Variants in PTCH1 observed in about 807,000 individuals in gnomAD.
PTCH1 encodes the protein patched 1.
A neutral mutation model predicts 144.6 loss-of-function variants in PTCH1; 14 were observed. The observed-to-expected ratio is 0.10, with a 90% CI of 0.06 to 0.15. The LOEUF (loss-of-function observed/expected upper bound fraction) is 0.15. Among genes scored for constraint, PTCH1 ranks in the 10% least tolerant of loss-of-function variants. The pLI, the probability that PTCH1 is intolerant of heterozygous loss-of-function variation, is 1.00. For missense variants in PTCH1, 1,623 were observed against 1,948.3 expected (o/e 0.83, Z 3.14); for synonymous variants, 833 against 793.6 (o/e 1.05, Z -0.83).
In PTCH1 at chr9:95,508,295, C is replaced by T. The variant is rs863224654; in HGVS notation, c.67G>A (p.Ala23Thr). The T allele has an allele frequency of 4.6e-6, 7 of 1,516,390 alleles. No individual in the cohort carries two copies. The Admixed American group carries it at 8.2e-5, about 18-fold the overall frequency. 93.9% of individuals were successfully genotyped at this position (1,516,390 alleles called of 1,614,324 possible). A position where few individuals can be genotyped will look rare whatever the true frequency, so the allele number is the denominator to read the frequency against. ...RGGGGSGCIG[A>T]PGRPAGGGRR... ...CCGCCTCCAGCCGGCCGTCCCGGGGCACCGATACAGCCGCTGCCGCCGCCG... is the reference window on the plus strand; with the variant it reads ...CCGCCTCCAGCCGGCCGTCCCGGGGTACCGATACAGCCGCTGCCGCCGCCG... The change falls in exon 1 of 24, where the codon GCC becomes ACC. Residue 23 changes from alanine to threonine, a missense_variant. This residue lies in a region of PTCH1 where 245 missense variants were observed against 240.6 expected (regional missense o/e 1.02). Transcript: ENST00000331920.
intron 14 of PTCH1, among the ~76,000 whole-genome samples, chr9:95,468,194 G>A (rs914002470): frequency 6.6e-6 from 1 of 152,092 alleles, no homozygotes; most frequent in Admixed American, 6.5e-5. Flanking sequence ...AGCCTCCTAA[G>A]CAGCTGGGAC....
intron 2 of PTCH1, among the ~76,000 whole-genome samples, chr9:95,496,736 A>G (rs141476181): frequency 0.01 from 1,529 of 152,210 alleles, 22 homozygotes; most frequent in African/African-American, 0.035. Flanking sequence ...ATCATTTTTT[A>G]CTTATTACAA....
chr9:95,508,310 T>TGCCGCC lies in PTCH1; in HGVS notation c.46_51dup (p.Gly16_Gly17dup), dbSNP rs756897237. ...CGTCCCGGGGCACCGATACAGCCGC[T>TGCCGCC]GCCGCCGCCGCCGCGGTCCTGGGGC... is the stretch of plus-strand genomic sequence containing the variant. On this transcript the variant is annotated inframe_insertion, in exon 1 of 24. Transcript: ENST00000331920. 10 of 1,399,428 alleles carry TGCCGCC rather than the reference T, an allele frequency of 7.1e-6. No homozygotes were observed. Among genetic ancestry groups the TGCCGCC allele is most frequent in the South Asian group, 1.6e-5 (1 of 61,974 alleles). The allele number at this position is 1,399,428 out of a possible 1,614,324, so 86.7% of individuals were successfully genotyped here.
chr9:95,482,973 A>C (rs1461595593), intron 3 of PTCH1: 3 of 152,534 alleles, frequency 2.0e-5, no homozygotes, highest in Admixed American at 6.5e-5. Flanking sequence ...AGCTGGGCGC[A>C]GTGGTGCATG....
upstream of PTCH1, among the ~76,000 whole-genome samples, chr9:95,512,268 G>A (rs1019806576): frequency 1.3e-5 from 2 of 152,210 alleles, no homozygotes; most frequent in Non-Finnish European, 1.5e-5. Context: ...GCTGTTTGAT[G>A]GGTTAACTTT....
intron 2 of PTCH1, among the ~76,000 whole-genome samples, chr9:95,490,253 C>G (rs1487946129): frequency 6.6e-6 from 1 of 151,668 alleles, no homozygotes; most frequent in Admixed American, 6.6e-5. Flanking sequence ...GTGGAAGGAT[C>G]ACTTAAGGCC....
At position 95,477,000 on chromosome 9, in the gene PTCH1, C is replaced by T. The variant is rs892986135; in HGVS notation, c.1504-143G>A. The T allele has an allele frequency of 4.9e-5, 39 of 792,814 alleles. No individual in the cohort carries two copies. Among genetic ancestry groups the T allele is most frequent in the African/African-American group, 2.6e-4 (15 of 58,540 alleles). 49.1% of individuals were successfully genotyped at this position (792,814 alleles called of 1,614,324 possible). ...ACCTCATGGTGAAGAATTCACTTGA[C>T]GTCCCAAAGCCTAGCCATTTCAGCT... On this transcript the variant is annotated intron_variant, in intron 10 of 23. Coordinates refer to ENST00000331920, the MANE Select transcript of PTCH1 (RefSeq NM_000264.5). This position sits in a 1 kb window ranked among gnomAD's most constrained non-coding sequence, Gnocchi z 4.6.
chr9:95,487,367 G>A (rs1842051177), intron 2 of PTCH1, among the ~76,000 whole-genome samples: 1 of 152,210 alleles, frequency 6.6e-6, no homozygotes, highest in Non-Finnish European at 1.5e-5. Context: ...GCATTGCCGA[G>A]GGCCTTGCCA....
rs868793080 is a variant in PTCH1 at position 95,463,364 on chromosome 9, G to A, written c.2561-1366C>T. Among the ~76,000 whole-genome samples the A allele has an allele frequency of 5.2e-4, 79 of 152,176 alleles. No homozygotes were observed. The Middle Eastern group carries it at 0.01, about 20-fold the overall frequency. ...GAAAGGAGTCTGTGTCAGGGTGAGC[G>A]TGGAGGGGAGACGGGACAGGAGACC... On this transcript the variant is annotated intron_variant, in intron 15 of 23. Transcript: ENST00000331920.
In PTCH1 at chr9:95,449,148, T is replaced by G. The variant is rs1838214925; in HGVS notation, c.3725A>C (p.Glu1242Ala). 6.2e-7 allele frequency: 1 copy of G among 1,613,984 alleles called. No individual in the cohort carries two copies. ...SGLSEELRHY[E>A]AQQGAGGPAH... is the part of the protein sequence containing the mutation. ...AGGGCCTCCCGCGCCCTGCTGGGCC[T>G]CGTAGTGCCGAAGCTCCTCGCTGAG... Residue 1242 changes from glutamate (E) to alanine (A), a missense_variant, in exon 22 of 24, where the codon GAG becomes GCG. Glu to Ala is a moderately radical substitution (Grantham distance 107). Coordinates refer to ENST00000331920, the MANE Select transcript of PTCH1 (RefSeq NM_000264.5). This position sits in a 1 kb window ranked among gnomAD's most constrained non-coding sequence, Gnocchi z 5.3.
At chr9:95,473,602 T>C (rs1031062022) in intron 12 of PTCH1, among the ~76,000 whole-genome samples, 24 of 147,792 alleles carry the variant, frequency 1.6e-4, no homozygotes, top group Admixed American at 9.6e-4. Context: ...TGGAGTGCAA[T>C]AGCACGATCT....
chr9:95,481,803 G>A (rs1051739520), intron 5 of PTCH1, 146 bp downstream of exon 5: 15 of 781,106 alleles, frequency 1.9e-5, no homozygotes, highest in African/African-American at 1.7e-4. Flanking sequence ...CCTCTCCCCC[G>A]ACTATTCACT....
intron 19 of PTCH1, among the ~76,000 whole-genome samples, chr9:95,455,111 G>A (rs989279145): frequency 5.3e-5 from 8 of 152,198 alleles, no homozygotes; most frequent in Admixed American, 1.3e-4. Flanking sequence ...CTCAAAGGAA[G>A]AAAATAATTT....
Position 95,468,941 on chromosome 9 carries a change from A to G in PTCH1, c.2060T>C (p.Val687Ala), listed in dbSNP as rs755314955. 1 of 1,614,112 alleles carries G rather than the reference A, an allele frequency of 6.2e-7. No homozygotes were observed. Among genetic ancestry groups the G allele is most frequent in the Non-Finnish European group, 8.5e-7 (1 of 1,180,028 alleles). Residue 687 changes from valine to alanine, a missense_variant, in exon 14 of 24, where the codon GTG becomes GCG. Coordinates refer to ENST00000331920, the MANE Select transcript of PTCH1 (RefSeq NM_000264.5). ...TTAEPRSEIS[V>A]QPVTVTQDTL... ...GTCCTGTGTCACGGTGACGGGCTGC[A>G]CAGAGATCTCGGAGCGCGGCTCAGC...
rs201174718 is a variant in PTCH1 at position 95,478,155 on chromosome 9, G to C, written c.1247C>G (p.Thr416Ser). 4.2e-5 allele frequency: 68 copies of C among 1,614,184 alleles called. No homozygotes were observed. In the East Asian group the frequency reaches 1.3e-3, roughly 31 times the overall value. Residue 416 changes from threonine to serine, a missense_variant, in exon 9 of 24, where the codon ACT becomes AGT. Transcript: ENST00000331920. ...GGTGGTGAAGGAAAGCACCTTTTGA[G>C]TGGAGTTCTGTGCGACACTCTGATG... The part of the protein sequence containing the change: ...VVHQSVAQNS[T>S]QKVLSFTTTT...
intron 22 of PTCH1, among the ~76,000 whole-genome samples, chr9:95,448,659 G>T (rs59925771): frequency 0.13 from 20,353 of 151,542 alleles, 1,706 homozygotes; most frequent in African/African-American, 0.23. Flanking sequence ...GAAAAAACCT[G>T]ACCTCTGTTG....
rs752267319 is a variant in PTCH1 at position 95,458,831 on chromosome 9, A to G, written c.2888-538T>C. Among the ~76,000 whole-genome samples the G allele has an allele frequency of 3.9e-5, 6 of 152,264 alleles. No homozygotes were observed. The highest frequency in any genetic ancestry group is 5.9e-5 in the Non-Finnish European group (4 of 68,046). ...TGTGTGTTCCAGACCCTCTGGGGTC[A>G]TTCAGTTGACTTGCTAAACATGATT... On this transcript the variant is annotated intron_variant, in intron 17 of 23. Coordinates refer to ENST00000331920, the MANE Select transcript of PTCH1 (RefSeq NM_000264.5). This position sits in a 1 kb window ranked among gnomAD's most constrained non-coding sequence, Gnocchi z 4.7.
intron 23 of PTCH1, 80 bp from the exon 24 acceptor site, chr9:95,446,471 G>A (rs1013312972): frequency 1.4e-5 from 7 of 504,096 alleles, no homozygotes; most frequent in Admixed American, 6.3e-5. Flanking sequence ...AAAGCAGGCA[G>A]CAGTAACCTT....
At chr9:95,473,447 G>C (rs116506223) in intron 12 of PTCH1, among the ~76,000 whole-genome samples, 1 of 152,020 alleles carries the variant, frequency 6.6e-6, no homozygotes, top group East Asian at 1.9e-4. Flanking sequence ...CCAATTTTGA[G>C]GGTCAATACA....
Sources: gnomAD v4.1 joint callset for allele counts (sites outside exome capture counted in the v4.1 genomes callset) on GRCh38, gnomAD v4.1.1 for gene constraint, gnomAD v4.1.1 regional missense constraint, Gnocchi (gnomAD v3.1) non-coding constraint, MANE v1.5 for transcripts, NCBI Gene and HGNC (gene_info 2026-07-23, HGNC 2026-07-21) for gene names.